STK3: variants seen among roughly 807,000 people sequenced by gnomAD.
STK3 encodes serine/threonine-protein kinase 3.
In STK3, 41 loss-of-function variants were observed where a neutral mutation model predicts 58.0. The observed-to-expected ratio is 0.71, with a 90% CI of 0.55 to 0.92. The LOEUF is 0.92. STK3 is among the 40% of genes least tolerant of loss of function. The pLI, the probability that STK3 is intolerant of heterozygous loss-of-function variation, is 0.00. For synonymous variants in STK3, 170 were observed against 191.0 expected, an observed-to-expected ratio of 0.89 and a Z score of 0.91; for missense variants, 479 against 602.7, an observed-to-expected ratio of 0.79 and a Z score of 2.15.
chr8:98,774,424 TA>T (rs1554674010), intron 2 of STK3, among the ~76,000 whole-genome samples: 1 of 152,192 alleles, frequency 6.6e-6, no homozygotes, highest in Non-Finnish European at 1.5e-5. Context: ...GTCACTTGCC[TA>T]ACAAAGTCAA....
chr8:98,790,288 C>T (rs1054044625), intron 1 of STK3, among the ~76,000 whole-genome samples: 1 of 152,156 alleles, frequency 6.6e-6, no homozygotes, highest in Admixed American at 6.6e-5. Flanking sequence ...AAAATACTAG[C>T]TAACCAAATC....
At chr8:98,808,865 T>C (rs1223688946) in intron 1 of STK3, among the ~76,000 whole-genome samples, 2 of 152,176 alleles carry the variant, frequency 1.3e-5, no homozygotes, top group African/African-American at 4.8e-5. Context: ...GGGAAGCTGG[T>C]CACCCAAGAA....
chr8:98,733,786 T>C (rs527309002), intron 4 of STK3, among the ~76,000 whole-genome samples: 6 of 152,212 alleles, frequency 3.9e-5, no homozygotes, highest in African/African-American at 9.7e-5. Context: ...TTTGTACTTC[T>C]AGTGAACAGC....
intron 3 of STK3, among the ~76,000 whole-genome samples, chr8:98,407,598 G>C (rs957935361): frequency 1.3e-5 from 2 of 152,196 alleles, no homozygotes; most frequent in African/African-American, 4.8e-5. Context: ...GATATTTATG[G>C]AGCTGATTCT....
intron 1 of STK3, among the ~76,000 whole-genome samples, chr8:98,939,853 C>A (rs893030220): frequency 3.9e-5 from 6 of 152,242 alleles, no homozygotes; most frequent in Non-Finnish European, 7.3e-5. Flanking sequence ...TGGGGCCTTC[C>A]CAGAGGGGCC....
At chr8:98,743,718 A>C (rs890471229) in intron 4 of STK3, among the ~76,000 whole-genome samples, 1 of 151,954 alleles carries the variant, frequency 6.6e-6, no homozygotes, top group African/African-American at 2.4e-5. Flanking sequence ...TGGCAACAAA[A>C]GCCAAAATTG....
chr8:98,656,332 T>C (rs1821518317), intron 6 of STK3, among the ~76,000 whole-genome samples: 1 of 151,732 alleles, frequency 6.6e-6, no homozygotes, highest in Admixed American at 6.6e-5. Flanking sequence ...CTGGGGACTG[T>C]TGTGGGGTGG....
At chr8:98,805,892 T>C (rs1833858785) in intron 1 of STK3, among the ~76,000 whole-genome samples, 1 of 151,966 alleles carries the variant, frequency 6.6e-6, no homozygotes, top group Non-Finnish European at 1.5e-5. Flanking sequence ...AATCAAAAAT[T>C]TTCTCTGGGA....
intron 1 of STK3, among the ~76,000 whole-genome samples, chr8:98,798,004 A>G (rs1233232012): frequency 6.6e-6 from 1 of 152,232 alleles, no homozygotes; most frequent in African/African-American, 2.4e-5. Flanking sequence ...TCCTATAGAA[A>G]GAGAAGCAAT....
At chr8:98,409,034 G>A (rs1234441103) in intron 3 of STK3, among the ~76,000 whole-genome samples, 4 of 152,036 alleles carry the variant, frequency 2.6e-5, no homozygotes, top group Non-Finnish European at 4.4e-5. Flanking sequence ...CCCTGACCTC[G>A]CACTCCTCTA....
Position 98,428,080 on chromosome 8 carries a change from C to T in STK3, n.483+6047G>A, listed in dbSNP as rs1818268484. On this transcript the variant is annotated intron_variant and non_coding_transcript_variant, in intron 3 of 3. Transcript: ENST00000517832. The surrounding 1 kb of genome is among the most constrained non-coding windows in gnomAD (Gnocchi z 6.7). ...TTCAAGAGGAGGCTGCGCTCGCACA[C>T]GCTGCTGCGCTTCCCCGAGACGCGC... 1 of 1,613,584 alleles carries T rather than the reference C, an allele frequency of 6.2e-7. No individual in the cohort carries two copies. The highest frequency in any genetic ancestry group is 1.3e-5 in the African/African-American group (1 of 74,936).
At chr8:98,587,856 C>T (rs1279968792) in intron 7 of STK3, among the ~76,000 whole-genome samples, 1 of 152,034 alleles carries the variant, frequency 6.6e-6, no homozygotes, top group Non-Finnish European at 1.5e-5. Context: ...TATGTAATGG[C>T]CTTCTTTGTC....
intron 3 of STK3, among the ~76,000 whole-genome samples, chr8:98,866,809 TC>T (rs1446634710): frequency 6.6e-6 from 1 of 152,174 alleles, no homozygotes; most frequent in African/African-American, 2.4e-5. Context: ...CGGTAGCTGG[TC>T]CTTCAGAGGT....
intron 3 of STK3, among the ~76,000 whole-genome samples, chr8:98,760,771 C>T (rs553470273): frequency 6.6e-6 from 1 of 151,982 alleles, no homozygotes; most frequent in South Asian, 2.1e-4. Context: ...CTAATGATCA[C>T]ATCCTTTCCA....
At chr8:98,750,893 C>A (rs1320149873) in intron 3 of STK3, among the ~76,000 whole-genome samples, 2 of 152,114 alleles carry the variant, frequency 1.3e-5, no homozygotes, top group Non-Finnish European at 2.9e-5. Flanking sequence ...ACATAAAAAA[C>A]CTAACTCACC....
At chr8:98,481,390 A>T (rs900540499) in intron 10 of STK3, among the ~76,000 whole-genome samples, 18 of 152,206 alleles carry the variant, frequency 1.2e-4, no homozygotes, top group African/African-American at 4.3e-4. Context: ...AAAATGTGTT[A>T]TATCTATATC....
At chr8:98,682,313 T>C (rs1188206446) in intron 6 of STK3, among the ~76,000 whole-genome samples, 1 of 152,196 alleles carries the variant, frequency 6.6e-6, no homozygotes, top group African/African-American at 2.4e-5. Context: ...TTAAAGATCA[T>C]GATGCAACTT....
intron 9 of STK3, among the ~76,000 whole-genome samples, chr8:98,530,466 G>A (rs1361119773): frequency 6.6e-6 from 1 of 152,142 alleles, no homozygotes; most frequent in Non-Finnish European, 1.5e-5. Context: ...GCTGACAAGA[G>A]AGGCCTGGTG....
intron 1 of STK3, among the ~76,000 whole-genome samples, chr8:98,816,959 A>G (rs974040363): frequency 2.6e-5 from 4 of 152,210 alleles, no homozygotes; most frequent in Admixed American, 2.6e-4. Flanking sequence ...CTATTTCTCA[A>G]CCTGAGGGGT....
Sources: gnomAD v4.1 joint callset for allele counts (sites outside exome capture counted in the v4.1 genomes callset) on GRCh38, gnomAD v4.1.1 for gene constraint, Gnocchi (gnomAD v3.1) non-coding constraint, MANE v1.5 for transcripts, NCBI Gene and HGNC (gene_info 2026-07-23, HGNC 2026-07-21) for gene names.